RELN: variants seen among roughly 807,000 people sequenced by gnomAD.
RELN encodes reelin.
In RELN, 108 loss-of-function variants were observed where a neutral mutation model predicts 427.6. The observed-to-expected ratio is 0.25, with a 90% CI of 0.22 to 0.30. The LOEUF is 0.30. RELN is among the 10% of genes least tolerant of loss of function. RELN has a pLI of 1.00. For synonymous variants in RELN, 1,524 were observed against 1,513.4 expected (o/e 1.01, Z -0.16); for missense variants, 3,715 against 4,302.8 (o/e 0.86, Z 3.82).
At position 103,553,706 on chromosome 7, in the gene RELN, C is replaced by A; in HGVS notation, c.5923G>T (p.Gly1975Cys). The A allele has an allele frequency of 6.2e-7, 1 of 1,614,100 alleles. No individual in the cohort carries two copies. The highest frequency in any genetic ancestry group is 8.5e-7 in the Non-Finnish European group (1 of 1,180,000). ...GGACAATAAAGACCGATGTTACCAC[C>A]AGGATAGAAAAACCAATTGTCTTCT... is the stretch of plus-strand genomic sequence containing the variant. ...PREDNWFFYP[G>C]GNIGLYCPYS... Residue 1975 changes from glycine to cysteine, a missense_variant, in exon 39 of 65, where the codon GGT (glycine) becomes TGT (cysteine). By Grantham distance (159) the Gly-to-Cys change is radical. Transcript: ENST00000428762.
At chr7:103,829,853 T>G (rs1019402756) in intron 3 of RELN, among the ~76,000 whole-genome samples, 1 of 151,984 alleles carries the variant, frequency 6.6e-6, no homozygotes, top group African/African-American at 2.4e-5. Flanking sequence ...ACGGGATTTT[T>G]AAAAAAGGAT....
chr7:103,860,312 T>C (rs1272315282), intron 2 of RELN, among the ~76,000 whole-genome samples: 1 of 152,180 alleles, frequency 6.6e-6, no homozygotes, highest in Non-Finnish European at 1.5e-5. Context: ...GTATTAAGTT[T>C]TTGTTTTAAT....
intron 20 of RELN, among the ~76,000 whole-genome samples, chr7:103,616,865 A>G (rs1832092036): frequency 6.6e-6 from 1 of 152,180 alleles, no homozygotes; most frequent in Non-Finnish European, 1.5e-5. Context: ...TATAATATAC[A>G]TCCTTGTATA....
chr7:103,542,056 C>A (rs943681257), intron 43 of RELN, among the ~76,000 whole-genome samples: 1 of 152,172 alleles, frequency 6.6e-6, no homozygotes, highest in East Asian at 1.9e-4. Flanking sequence ...ACATGTTAAA[C>A]CATCTTTTTT....
intron 2 of RELN, among the ~76,000 whole-genome samples, chr7:103,837,063 T>A (rs960496533): frequency 1.3e-5 from 2 of 152,212 alleles, no homozygotes; most frequent in Non-Finnish European, 2.9e-5. Context: ...TATTTTCACA[T>A]TGACATCTTT....
intron 5 of RELN, among the ~76,000 whole-genome samples, chr7:103,750,854 A>G (rs975180532): frequency 6.6e-6 from 1 of 152,198 alleles, no homozygotes; most frequent in African/African-American, 2.4e-5. Flanking sequence ...GGTTTTAAAT[A>G]TATTATCACT....
chr7:103,940,440 G>A (rs748139729), intron 1 of RELN, among the ~76,000 whole-genome samples: 15 of 152,114 alleles, frequency 9.9e-5, no homozygotes, highest in Admixed American at 3.3e-4. Context: ...CCATACAATG[G>A]GCATTAAGTT....
At chr7:103,519,300 T>G (rs1459927719) in intron 49 of RELN, 23 bp downstream of exon 49, 1 of 1,577,638 alleles carries the variant, frequency 6.3e-7, no homozygotes, top group Non-Finnish European at 8.7e-7. Context: ...TACTCGTTAT[T>G]AGATATCAAA....
At chr7:103,848,878 C>A (rs1327995729) in intron 2 of RELN, among the ~76,000 whole-genome samples, 1 of 152,146 alleles carries the variant, frequency 6.6e-6, no homozygotes, top group Non-Finnish European at 1.5e-5. Context: ...TTCCAAGAAC[C>A]TACACTTTGT....
chr7:103,849,949 C>A (rs1015673359), intron 2 of RELN, among the ~76,000 whole-genome samples: 1 of 152,182 alleles, frequency 6.6e-6, no homozygotes, highest in Non-Finnish European at 1.5e-5. Context: ...AATCATAAAT[C>A]ATCTCTTTCA....
intron 1 of RELN, among the ~76,000 whole-genome samples, chr7:103,960,661 A>C (rs961511390): frequency 6.6e-6 from 1 of 152,232 alleles, no homozygotes; most frequent in East Asian, 1.9e-4. Flanking sequence ...ATGCTAAGAA[A>C]AAAAATTGTT....
At chr7:103,550,792 G>A (rs926632986) in intron 41 of RELN, among the ~76,000 whole-genome samples, 1 of 152,010 alleles carries the variant, frequency 6.6e-6, no homozygotes, top group Admixed American at 6.6e-5. Flanking sequence ...CCTTATTTTT[G>A]TTGTGTTCTA....
At chr7:103,676,590 C>T (rs572851690) in intron 11 of RELN, among the ~76,000 whole-genome samples, 15 of 152,244 alleles carry the variant, frequency 9.9e-5, no homozygotes, top group East Asian at 1.9e-4. Context: ...CACATGCACA[C>T]GTATGTTTAT....
At chr7:103,960,239 T>C (rs1413916609) in intron 1 of RELN, among the ~76,000 whole-genome samples, 1 of 152,156 alleles carries the variant, frequency 6.6e-6, no homozygotes, top group Non-Finnish European at 1.5e-5. Flanking sequence ...CTTCCTATAC[T>C]GTCCCCCTCC....
At chr7:103,524,231 T>C (rs1457536025) in intron 46 of RELN, among the ~76,000 whole-genome samples, 1 of 152,094 alleles carries the variant, frequency 6.6e-6, no homozygotes, top group Non-Finnish European at 1.5e-5. Flanking sequence ...AAAAGATGAC[T>C]ATCTCCGAGC....
chr7:103,486,067 C>G, intron 61 of RELN, 130 bp downstream of exon 61: 1 of 850,324 alleles, frequency 1.2e-6, no homozygotes, highest in Non-Finnish European at 2.0e-6. Flanking sequence ...GTCCCAAATT[C>G]AAATGACAGG....
At chr7:103,925,199 C>A (rs1795705502) in intron 1 of RELN, among the ~76,000 whole-genome samples, 1 of 151,944 alleles carries the variant, frequency 6.6e-6, no homozygotes, top group East Asian at 1.9e-4. Context: ...TCCAATCTAG[C>A]CTAAATAAAA....
At chr7:103,840,254 T>C (rs78266814) in intron 2 of RELN, among the ~76,000 whole-genome samples, 1 of 152,364 alleles carries the variant, frequency 6.6e-6, no homozygotes, top group East Asian at 1.9e-4. Flanking sequence ...CGAAGTAGCC[T>C]GGATTCCAGT....
intron 9 of RELN, among the ~76,000 whole-genome samples, chr7:103,699,039 A>G (rs1834036652): frequency 6.6e-6 from 1 of 152,154 alleles, no homozygotes; most frequent in Admixed American, 6.5e-5. Context: ...ATATAACATG[A>G]TTTTTTATAT....
Sources: allele counts gnomAD v4.1 joint callset (sites outside exome capture counted in the v4.1 genomes callset), GRCh38; gene constraint gnomAD v4.1.1; transcripts MANE v1.5; gene names NCBI Gene and HGNC (gene_info 2026-07-23, HGNC 2026-07-21).